SAAL1: variants seen among roughly 807,000 people sequenced by gnomAD.
The protein encoded by SAAL1 is protein SAAL1.
Under a neutral mutation model 59.8 loss-of-function variants are expected in SAAL1, and 42 were observed. That is an observed-to-expected ratio of 0.70 (90% confidence interval 0.55 to 0.91). The LOEUF (loss-of-function observed/expected upper bound fraction) is 0.91, where lower values mean the gene tolerates loss of function less well. Among genes scored for constraint, SAAL1 ranks in the 40% least tolerant of loss-of-function variants. The pLI, the probability that SAAL1 is intolerant of heterozygous loss-of-function variation, is 0.00. For synonymous variants in SAAL1, 191 were observed against 194.3 expected (o/e 0.98, Z 0.14); for missense variants, 542 against 561.1 (o/e 0.97, Z 0.34).
Position 18,090,418 on chromosome 11 carries a change from A to G in SAAL1, c.473+16T>C. The G allele has an allele frequency of 6.2e-7, 1 of 1,600,374 alleles. No individual in the cohort carries two copies. Among genetic ancestry groups the G allele is most frequent in the Non-Finnish European group, 8.5e-7 (1 of 1,176,662 alleles). ...TTATGAGTAACCTTATAGAATTCAT[A>G]AAAGGAAAAGCATACCTGCTTGTTT... On this transcript the variant is annotated intron_variant, in intron 5 of 11. Coordinates refer to ENST00000524803, the MANE Select transcript of SAAL1 (RefSeq NM_138421.3).
intron 9 of SAAL1, among the ~76,000 whole-genome samples, chr11:18,084,843 G>A (rs1004418586): frequency 2.0e-5 from 3 of 152,124 alleles, no homozygotes; most frequent in African/African-American, 7.2e-5. Context: ...TCAGCTCACT[G>A]CAGCCTCTGC....
chr11:18,083,804 T>G, intron 9 of SAAL1, 73 bp from the exon 10 acceptor site: 1 of 906,754 alleles, frequency 1.1e-6, no homozygotes, highest in Non-Finnish European at 1.6e-6. Context: ...ATTGAATTAG[T>G]GCTAGACATT....
chr11:18,106,042 G>A lies in SAAL1; in HGVS notation c.-1C>T. On this transcript the variant is annotated 5_prime_UTR_variant, in exon 1 of 12. Coordinates refer to ENST00000524803, the MANE Select transcript of SAAL1 (RefSeq NM_138421.3). ...GCGGCGGCGAGGGGTTGCGGTCCAT[G>A]ACTTTGTCGCGTCCCGCGCTTGAAG... 1 of 1,600,846 alleles carries A rather than the reference G, an allele frequency of 6.2e-7. No homozygotes were observed. The highest frequency in any genetic ancestry group is 8.5e-7 in the Non-Finnish European group (1 of 1,177,822).
At chr11:18,090,980 G>C (rs915027215) in intron 4 of SAAL1, 1 of 152,380 alleles carries the variant, frequency 6.6e-6, no homozygotes, top group Non-Finnish European at 1.5e-5. Context: ...AATTATACAT[G>C]TAAGATCTAC....
intron 3 of SAAL1, among the ~76,000 whole-genome samples, chr11:18,096,271 A>G (rs1182423850): frequency 6.6e-6 from 1 of 151,540 alleles, no homozygotes; most frequent in African/African-American, 2.4e-5. Context: ...AAATTATTAA[A>G]TTATTAATAA....
Position 18,103,273 on chromosome 11 carries a change from T to G in SAAL1, c.209A>C (p.Glu70Ala). 1 of 1,614,028 alleles carries G rather than the reference T, an allele frequency of 6.2e-7. No homozygotes were observed. The highest frequency in any genetic ancestry group is 1.7e-5 in the Admixed American group (1 of 60,024). The change falls in exon 2 of 12, where the codon GAG (glutamate) becomes GCG (alanine). Residue 70 changes from glutamate (E) to alanine (A), a missense_variant. Physicochemically the swap from Glu to Ala is moderately radical, Grantham distance 107. Transcript: ENST00000524803. ...EQLTELDEEM[E>A]NEICRVWDMS... ...ATCCCATACTCTGCAAATTTCATTC[T>G]CCATTTCTTCATCAAGCTCCGTCAG...
chr11:18,101,657 T>A (rs1054161112), intron 2 of SAAL1, among the ~76,000 whole-genome samples: 4 of 152,110 alleles, frequency 2.6e-5, no homozygotes, highest in Non-Finnish European at 4.4e-5. Context: ...AACACACCAC[T>A]CTAGGTATTC....
intron 7 of SAAL1, among the ~76,000 whole-genome samples, chr11:18,088,095 G>A (rs1038384269): frequency 2.0e-5 from 3 of 152,200 alleles, no homozygotes; most frequent in Non-Finnish European, 4.4e-5. Flanking sequence ...TACTGTGCAA[G>A]GGCCTGGAGA....
chr11:18,081,718 TAC>T (rs964802068), intron 10 of SAAL1: 1 of 514,884 alleles, frequency 1.9e-6, no homozygotes, highest in African/African-American at 1.9e-5. Context: ...TCCACCCTGC[TAC>T]ACAGACTACA....
chr11:18,080,525 CAG>C, intron 11 of SAAL1, 34 bp from the exon 12 acceptor site: 1 of 1,452,874 alleles, frequency 6.9e-7, no homozygotes, highest in Middle Eastern at 1.8e-4. Context: ...AAATCAAACA[CAG>C]AAGAGAAAAA....
At chr11:18,094,200 T>G (rs1002281746) in intron 3 of SAAL1, among the ~76,000 whole-genome samples, 1 of 152,136 alleles carries the variant, frequency 6.6e-6, no homozygotes, top group Non-Finnish European at 1.5e-5. Context: ...ACTGAGGACA[T>G]ACAGAATTCA....
rs942748403 is a variant in SAAL1, at chr11:18,106,077, G to A, written c.-36C>T. ...CGTCCCGCGCTTGAAGGCCGTGCCG[G>A]AAGCTGCGGAGGAGACGACCGGCGC... is the stretch of plus-strand genomic sequence containing the variant. On this transcript the variant is annotated 5_prime_UTR_variant, in exon 1 of 12. Transcript: ENST00000524803. The A allele has an allele frequency of 7.0e-6, 11 of 1,575,246 alleles. No homozygotes were observed. The highest frequency in any genetic ancestry group is 5.3e-5 in the Admixed American group (3 of 56,594).
chr11:18,105,828 G>A (rs2134068452), intron 1 of SAAL1, 79 bp downstream of exon 1: 4 of 1,455,334 alleles, frequency 2.7e-6, no homozygotes, highest in Non-Finnish European at 3.6e-6. Context: ...GGCTCCCGGG[G>A]CAGGAGGATT....
intron 9 of SAAL1, among the ~76,000 whole-genome samples, chr11:18,086,516 C>A (rs948126244): frequency 2.0e-5 from 3 of 152,050 alleles, no homozygotes; most frequent in African/African-American, 7.2e-5. Flanking sequence ...CTGGCCAACA[C>A]GGTAAAAACC....
intron 9 of SAAL1, among the ~76,000 whole-genome samples, chr11:18,084,899 G>A (rs901167538): frequency 6.6e-6 from 1 of 152,102 alleles, no homozygotes; most frequent in Non-Finnish European, 1.5e-5. Flanking sequence ...CTGAGTAACT[G>A]AGATTACAGG....
chr11:18,096,816 A>G lies in SAAL1; in HGVS notation c.288T>C (p.Asp96=), dbSNP rs761906248. Residue 96 remains aspartate (D), a synonymous_variant, in exon 3 of 12, where the codon GAT becomes GAC. Transcript: ENST00000524803. The part of the protein sequence containing the change: ...ALFLQEFNAP[D]IFMGVLAKSK... Reference sequence around the variant, plus strand: ...ACTTGGCCAGTACTCCCATGAATATATCAGGAGCATTAAATTCTTGGAGAA... The same window carrying G: ...ACTTGGCCAGTACTCCCATGAATATGTCAGGAGCATTAAATTCTTGGAGAA... 1.3e-6 allele frequency: 2 copies of G among 1,584,784 alleles called. No individual in the cohort carries two copies. The highest frequency in any genetic ancestry group is 1.1e-5 in the South Asian group (1 of 87,366).
intron 3 of SAAL1, among the ~76,000 whole-genome samples, chr11:18,095,407 G>A (rs957820230): frequency 7.9e-5 from 12 of 152,276 alleles, no homozygotes; most frequent in African/African-American, 2.9e-4. Context: ...CCCTAATTCA[G>A]AGAGAACATT....
intron 9 of SAAL1, among the ~76,000 whole-genome samples, chr11:18,085,241 A>G (rs1848451284): frequency 6.6e-6 from 1 of 152,220 alleles, no homozygotes; most frequent in Non-Finnish European, 1.5e-5. Context: ...GTGATAAAAT[A>G]TATCTAACTT....
intron 3 of SAAL1, among the ~76,000 whole-genome samples, chr11:18,093,345 G>A (rs1292961577): frequency 1.3e-5 from 2 of 152,138 alleles, no homozygotes; most frequent in East Asian, 1.9e-4. Flanking sequence ...GGTTGCTTAG[G>A]ATCTCTAAGA....
Sources: allele counts gnomAD v4.1 joint callset (sites outside exome capture counted in the v4.1 genomes callset), GRCh38; gene constraint gnomAD v4.1.1; transcripts MANE v1.5; gene names NCBI Gene and HGNC (gene_info 2026-07-23, HGNC 2026-07-21).